The following NALF1 variants were observed in gnomAD, a reference collection of about 807,000 sequenced individuals.
NALF1 encodes the protein NALCN channel auxiliary factor 1, also known as family with sequence similarity 155 member A.
A neutral mutation model predicts 48.4 loss-of-function variants in NALF1; 3 were observed. The ratio of observed to expected loss-of-function variants is 0.06; its 90% CI spans 0.03 to 0.16. NALF1 has a LOEUF of 0.16. Ranked by LOEUF, NALF1 falls within the 10% of genes least tolerant of loss-of-function variation. NALF1 has a pLI of 1.00. For synonymous variants in NALF1, 262 were observed against 245.7 expected, an observed-to-expected ratio of 1.07 and a Z score of -0.62; for missense variants, 526 against 571.5, an observed-to-expected ratio of 0.92 and a Z score of 0.81.
At chr13:107,229,840 C>T (rs947983415) in intron 1 of NALF1, among the ~76,000 whole-genome samples, 5 of 152,184 alleles carry the variant, frequency 3.3e-5, no homozygotes, top group African/African-American at 9.6e-5. Flanking sequence ...AGGTTCACTC[C>T]TCTTTCCATT....
chr13:107,477,699 A>T (rs9587393), intron 1 of NALF1, among the ~76,000 whole-genome samples: 43,356 of 151,518 alleles, frequency 0.29, 6,866 homozygotes, highest in Middle Eastern at 0.4. Context: ...TCTTTTTTTT[A>T]AAATAATTTT....
At chr13:107,340,846 T>C (rs1396313409) in intron 1 of NALF1, among the ~76,000 whole-genome samples, 1 of 152,192 alleles carries the variant, frequency 6.6e-6, no homozygotes, top group Non-Finnish European at 1.5e-5. Flanking sequence ...CAAACTGCAA[T>C]GGGACAGCCT....
At chr13:107,807,844 C>T (rs1044964713) in intron 1 of NALF1, among the ~76,000 whole-genome samples, 1 of 152,130 alleles carries the variant, frequency 6.6e-6, no homozygotes, top group East Asian at 1.9e-4. Context: ...ACAGCTCACA[C>T]GGACTACCAT....
chr13:107,352,661 T>G (rs74900537), intron 1 of NALF1, among the ~76,000 whole-genome samples: 5,498 of 152,230 alleles, frequency 0.036, 218 homozygotes, highest in African/African-American at 0.095. Flanking sequence ...CCTAATCATC[T>G]CTCAAAGCCC....
chr13:107,279,806 A>G (rs1286509749), intron 1 of NALF1, among the ~76,000 whole-genome samples: 1 of 151,964 alleles, frequency 6.6e-6, no homozygotes, highest in Non-Finnish European at 1.5e-5. Context: ...TGCTACCTTC[A>G]TTTCCTTTCC....
At chr13:107,342,685 C>A (rs1040445366) in intron 1 of NALF1, among the ~76,000 whole-genome samples, 14 of 151,984 alleles carry the variant, frequency 9.2e-5, no homozygotes, top group African/African-American at 3.4e-4. Context: ...CGCTTAAAAT[C>A]AATTATAACC....
At chr13:107,769,738 C>T (rs1330450318) in intron 1 of NALF1, among the ~76,000 whole-genome samples, 8 of 151,122 alleles carry the variant, frequency 5.3e-5, no homozygotes, top group African/African-American at 9.7e-5. Context: ...CCTAAAAAAA[C>T]GGTTCCATTA....
intron 1 of NALF1, among the ~76,000 whole-genome samples, chr13:107,606,918 A>T (rs1265391260): frequency 6.6e-6 from 1 of 152,200 alleles, no homozygotes; most frequent in Non-Finnish European, 1.5e-5. Context: ...CAGAAATTTA[A>T]CATTGCTAAC....
chr13:107,830,965 C>T (rs1879703607), intron 1 of NALF1, among the ~76,000 whole-genome samples: 1 of 152,208 alleles, frequency 6.6e-6, no homozygotes, highest in Non-Finnish European at 1.5e-5. Context: ...GGATGTTCCG[C>T]AAAGAGCATG....
intron 1 of NALF1, among the ~76,000 whole-genome samples, chr13:107,499,637 C>T (rs572883003): frequency 6.6e-6 from 1 of 152,276 alleles, no homozygotes; most frequent in African/African-American, 2.4e-5. Context: ...ATATATTTTA[C>T]AGTATCATTC....
intron 1 of NALF1, among the ~76,000 whole-genome samples, chr13:107,476,927 T>C (rs1041730579): frequency 8.5e-5 from 13 of 152,116 alleles, no homozygotes; most frequent in Admixed American, 8.5e-4. Flanking sequence ...AGAATTAAAA[T>C]GGACAATATT....
rs74977477 is a variant in NALF1, at chr13:107,485,634, A to G, written c.916-274879T>C. On this transcript the variant is annotated intron_variant, in intron 1 of 2. Coordinates refer to ENST00000375915, the MANE Select transcript of NALF1 (RefSeq NM_001080396.3). ...ATTTATTTCTATATTTCTTGTACTC[A>G]GTAGAGAACGAAGTTTGCAGATCAT... 8.1e-3 allele frequency among the ~76,000 whole-genome samples: 1,233 copies of G among 152,310 alleles called. 20 individuals are homozygous for G. Among genetic ancestry groups the G allele is most frequent in the African/African-American group, 0.028 (1,177 of 41,566 alleles).
At chr13:107,520,890 C>A (rs1337265493) in intron 1 of NALF1, among the ~76,000 whole-genome samples, 1 of 152,056 alleles carries the variant, frequency 6.6e-6, no homozygotes, top group East Asian at 1.9e-4. Flanking sequence ...GACCTCTGAC[C>A]CTGAGAGTCC....
chr13:107,744,297 A>T (rs1876720838), intron 1 of NALF1, among the ~76,000 whole-genome samples: 1 of 152,226 alleles, frequency 6.6e-6, no homozygotes, highest in South Asian at 2.1e-4. Context: ...CAAACAGATA[A>T]TGCATTTAAA....
At chr13:107,231,058 C>CAAAAAAAAAAAAAAAAAAAAAGAAA in intron 1 of NALF1, among the ~76,000 whole-genome samples, 1 of 83,588 alleles carries the variant, frequency 1.2e-5, no homozygotes, top group Non-Finnish European at 2.3e-5. Context: ...AAGACCCGGC[C>CAAAAAAAAAAAAAAAAAAAAAGAAA]AAAAAAAAAA....
chr13:107,685,289 G>A (rs1390118292), intron 1 of NALF1, among the ~76,000 whole-genome samples: 34 of 152,010 alleles, frequency 2.2e-4, no homozygotes, highest in Admixed American at 2.2e-3. Context: ...CTCCAGCCTG[G>A]GTGACAAGGC....
chr13:107,812,083 A>C (rs2138607460), intron 1 of NALF1, among the ~76,000 whole-genome samples: 1 of 152,292 alleles, frequency 6.6e-6, no homozygotes, highest in East Asian at 1.9e-4. Context: ...TTAATACTTA[A>C]ACAGAATTAT....
intron 1 of NALF1, among the ~76,000 whole-genome samples, chr13:107,779,456 G>C (rs1347607550): frequency 6.6e-6 from 1 of 152,170 alleles, no homozygotes; most frequent in Non-Finnish European, 1.5e-5. Flanking sequence ...TTCCAAATCG[G>C]ATCCAGTGGC....
At chr13:107,606,044 A>C (rs1390465092) in intron 1 of NALF1, among the ~76,000 whole-genome samples, 2 of 152,154 alleles carry the variant, frequency 1.3e-5, no homozygotes, top group Non-Finnish European at 2.9e-5. Flanking sequence ...ACAGCACACA[A>C]GTCTTCATTT....
Sources: gnomAD v4.1 joint callset for allele counts (sites outside exome capture counted in the v4.1 genomes callset) on GRCh38, gnomAD v4.1.1 for gene constraint, MANE v1.5 for transcripts, NCBI Gene and HGNC (gene_info 2026-07-23, HGNC 2026-07-21) for gene names.